Variants in ENPP2 observed in about 807,000 individuals in gnomAD.
ENPP2 encodes autotaxin.
In ENPP2, 51 loss-of-function variants were observed where a neutral mutation model predicts 120.2. The observed-to-expected ratio is 0.42, with a 90% CI of 0.34 to 0.54. The LOEUF is 0.54. Among genes scored for constraint, ENPP2 ranks in the 20% least tolerant of loss-of-function variants. The pLI is 0.04. For missense variants in ENPP2, 920 were observed against 1,066.5 expected, an observed-to-expected ratio of 0.86 and a Z score of 1.91; for synonymous variants, 365 against 366.4, an observed-to-expected ratio of 1.00 and a Z score of 0.04.
chr8:119,595,919 A>G, intron 11 of ENPP2: 1 of 1,613,714 alleles, frequency 6.2e-7, no homozygotes, highest in Non-Finnish European at 8.5e-7. Flanking sequence ...TTGGAGGAGC[A>G]ACTGGTCTTT....
Position 119,635,792 on chromosome 8 carries a change from C to T in ENPP2, c.136+2633G>A, listed in dbSNP as rs73714488. Among the ~76,000 whole-genome samples, 456 of 152,232 alleles carry T rather than the reference C, an allele frequency of 3.0e-3. 3 individuals are homozygous for T. Among genetic ancestry groups the T allele is most frequent in the African/African-American group, 0.011 (438 of 41,530 alleles). On this transcript the variant is annotated intron_variant, in intron 2 of 24. Transcript: ENST00000075322. ...AATCCTGTTCAGCCATTATTTCCTA[C>T]GCTAACAATAAATCCAGGTAACAAG... is the stretch of plus-strand genomic sequence containing the variant.
At position 119,583,871 on chromosome 8, in the gene ENPP2, G is replaced by C. The variant is rs976824212; in HGVS notation, c.1456-67C>G. On this transcript the variant is annotated intron_variant, in intron 16 of 24. Coordinates refer to ENST00000075322, the MANE Select transcript of ENPP2 (RefSeq NM_001040092.3). ...AGGTAGGAACCCTTCCTCTATTTAT[G>C]AATACTGTACAACTTCACTCACACC... 43 of 1,370,840 alleles carry C rather than the reference G, an allele frequency of 3.1e-5. No individual in the cohort carries two copies. In the South Asian group the frequency reaches 4.9e-4, roughly 16 times the overall value. The allele number at this position is 1,370,840 out of a possible 1,614,324, so 84.9% of individuals were successfully genotyped here. A position where few individuals can be genotyped will look rare whatever the true frequency, so the allele number is the denominator to read the frequency against.
At chr8:119,580,206 A>C in intron 18 of ENPP2, 39 bp from the exon 19 acceptor site, 1 of 1,542,424 alleles carries the variant, frequency 6.5e-7, no homozygotes, top group Non-Finnish European at 9.0e-7. Context: ...AAAGAAAGCA[A>C]ATCAGAAATG....
chr8:119,590,623 T>C lies in ENPP2; in HGVS notation c.1089A>G (p.Glu363=). 6.5e-7 allele frequency: 1 copy of C among 1,532,110 alleles called. No homozygotes were observed. Among genetic ancestry groups the C allele is most frequent in the Non-Finnish European group, 8.8e-7 (1 of 1,138,344 alleles). 94.9% of individuals were successfully genotyped at this position (1,532,110 alleles called of 1,614,324 possible). A position where few individuals can be genotyped will look rare whatever the true frequency, so the allele number is the denominator to read the frequency against. ...ACTCAGTTCTATCACATGTGACATCTTCCATTCCTATGGGGAGGGAGAAAA... is the reference window on the plus strand; with the variant it reads ...ACTCAGTTCTATCACATGTGACATCCTCCATTCCTATGGGGAGGGAGAAAA... The part of the protein sequence containing the change: ...NVIFVGDHGM[E]DVTCDRTEFL... The change falls in exon 13 of 25, where the codon GAA becomes GAG. Residue 363 remains glutamate (E), a synonymous_variant. Coordinates refer to ENST00000075322, the MANE Select transcript of ENPP2 (RefSeq NM_001040092.3).
chr8:119,565,271 C>A (rs1814325904), intron 22 of ENPP2, among the ~76,000 whole-genome samples: 2 of 152,084 alleles, frequency 1.3e-5, no homozygotes, highest in Admixed American at 6.6e-5. Flanking sequence ...CAGAACACGC[C>A]AGGCAGAGGG....
intron 22 of ENPP2, among the ~76,000 whole-genome samples, chr8:119,566,035 CCT>C (rs909368633): frequency 4.6e-4 from 70 of 152,294 alleles, no homozygotes; most frequent in African/African-American, 1.5e-3. Context: ...CTTCCTGTCC[CCT>C]GACTTTTCCC....
At chr8:119,586,146 T>G in intron 15 of ENPP2, 40 bp downstream of exon 15, 1 of 1,597,554 alleles carries the variant, frequency 6.3e-7, no homozygotes, top group Non-Finnish European at 8.6e-7. Flanking sequence ...AAGGGGTGGT[T>G]GTGGAAATGA....
intron 2 of ENPP2, among the ~76,000 whole-genome samples, chr8:119,633,469 G>A (rs770436469): frequency 7.9e-5 from 12 of 151,170 alleles, no homozygotes; most frequent in East Asian, 5.8e-4. Flanking sequence ...TCTCAAGAGC[G>A]TTAAAACAGG....
Position 119,560,620 on chromosome 8 carries a change from T to C in ENPP2, c.2421+2237A>G, listed in dbSNP as rs542129341. ...TGTTCAGTCTCCTCCATTTCAAATT[T>C]ATCTTCCTAAAGCAGAGCCAAAAAC... On this transcript the variant is annotated intron_variant, in intron 24 of 24. Coordinates refer to ENST00000075322, the MANE Select transcript of ENPP2 (RefSeq NM_001040092.3). 3.3e-5 allele frequency among the ~76,000 whole-genome samples: 5 copies of C among 152,334 alleles called. No homozygotes were observed. The East Asian group carries it at 9.6e-4, about 29-fold the overall frequency.
chr8:119,642,118 G>A (rs1817302656), upstream of ENPP2, among the ~76,000 whole-genome samples: 1 of 152,080 alleles, frequency 6.6e-6, no homozygotes, highest in African/African-American at 2.4e-5. Context: ...AGACTTCTAG[G>A]AAATCTAGAA....
chr8:119,583,665 T>C (rs374504229), intron 17 of ENPP2, 52 bp downstream of exon 17: 1 of 991,122 alleles, frequency 1.0e-6, no homozygotes, highest in Non-Finnish European at 1.6e-6. Flanking sequence ...AGAAAGATCA[T>C]ATATACTAAC....
chr8:119,581,898 T>A (rs1208949552), intron 18 of ENPP2, among the ~76,000 whole-genome samples: 2 of 151,778 alleles, frequency 1.3e-5, no homozygotes, highest in Non-Finnish European at 2.9e-5. Context: ...GCCCGGCTAA[T>A]TTTTTTGTGT....
At chr8:119,564,981 T>A in intron 22 of ENPP2, 26 bp from the exon 23 acceptor site, 1 of 1,604,200 alleles carries the variant, frequency 6.2e-7, no homozygotes. Flanking sequence ...AATCCAAAAA[T>A]CAATTATTCA....
chr8:119,634,558 T>C (rs1816885150), intron 2 of ENPP2, among the ~76,000 whole-genome samples: 1 of 152,030 alleles, frequency 6.6e-6, no homozygotes, highest in Admixed American at 6.6e-5. Flanking sequence ...AAAAACTTTT[T>C]CAGATAAATA....
chr8:119,573,491 T>C (rs1812112533), intron 19 of ENPP2, among the ~76,000 whole-genome samples: 1 of 148,654 alleles, frequency 6.7e-6, no homozygotes, highest in Admixed American at 6.7e-5. Flanking sequence ...TCTACTGCTC[T>C]ACATATATAG....
rs772636980 is a variant in ENPP2, at chr8:119,568,280, C to A, written c.2054-28G>T. ...AAACATTAGGAAAACAAATAGTATA[C>A]GTTGCTTACCAAAATCTATATCAGT... On this transcript the variant is annotated intron_variant, in intron 21 of 24. Coordinates refer to ENST00000075322, the MANE Select transcript of ENPP2 (RefSeq NM_001040092.3). 4 of 1,245,624 alleles carry A rather than the reference C, an allele frequency of 3.2e-6. No homozygotes were observed. In the African/African-American group the frequency reaches 6.3e-5, roughly 20 times the overall value. The allele number at this position is 1,245,624 out of a possible 1,614,324, so 77.2% of individuals were successfully genotyped here.
chr8:119,610,767 G>T (rs549437067), intron 8 of ENPP2, among the ~76,000 whole-genome samples: 1 of 152,106 alleles, frequency 6.6e-6, no homozygotes, highest in East Asian at 1.9e-4. Flanking sequence ...GCCAGGAGTC[G>T]TGATAGGCAC....
In ENPP2 at chr8:119,616,308, C is replaced by T. The variant is rs773908222; in HGVS notation, c.734G>A (p.Arg245Gln). 3.1e-6 allele frequency: 5 copies of T among 1,608,702 alleles called. No individual in the cohort carries two copies. Among genetic ancestry groups the T allele is most frequent in the Non-Finnish European group, 2.6e-6 (3 of 1,176,296 alleles). Reference sequence around the variant, plus strand: ...TCTATGATTAAATTTCTCTCGCCCTCGCAGATGAAAAGTGGCATCAAATAC... The same window carrying T: ...TCTATGATTAAATTTCTCTCGCCCTTGCAGATGAAAAGTGGCATCAAATAC... ...DPVFDATFHL[R>Q]GREKFNHRWW... The change falls in exon 8 of 25, where the codon CGA (arginine) becomes CAA (glutamine). Residue 245 changes from arginine to glutamine, a missense_variant. Transcript: ENST00000075322.
intron 24 of ENPP2, among the ~76,000 whole-genome samples, chr8:119,560,104 T>G (rs566202897): frequency 6.6e-6 from 1 of 152,284 alleles, no homozygotes; most frequent in African/African-American, 2.4e-5. Context: ...CATCACCAAA[T>G]TCCTCTAATG....
Sources: allele counts gnomAD v4.1 joint callset (sites outside exome capture counted in the v4.1 genomes callset), GRCh38; gene constraint gnomAD v4.1.1; transcripts MANE v1.5; gene names NCBI Gene and HGNC (gene_info 2026-07-23, HGNC 2026-07-21).